Variants in ZNF880 observed in about 807,000 individuals in gnomAD.
The protein encoded by ZNF880 is zinc finger protein LOC400713.
A neutral mutation model predicts 11.8 loss-of-function variants in ZNF880; 12 were observed. That is an observed-to-expected ratio of 1.02 (90% CI 0.65 to 1.65). ZNF880 has a LOEUF of 1.65. ZNF880 is among the 40% of genes most tolerant of loss of function. The pLI, the probability that ZNF880 is intolerant of heterozygous loss-of-function variation, is 0.00. For synonymous variants in ZNF880, 210 were observed against 232.4 expected (o/e 0.90, Z 0.88); for missense variants, 601 against 673.9 (o/e 0.89, Z 1.20).
chr19:52,369,362 C>CAAAAAAA (rs57601492), upstream of ZNF880, among the ~76,000 whole-genome samples: 1 of 112,486 alleles, frequency 8.9e-6, no homozygotes, highest in Non-Finnish European at 1.8e-5. Context: ...ACTCTGTCTC[C>CAAAAAAA]AAAAAAAAAA....
At position 52,383,921 on chromosome 19, in the gene ZNF880, T is replaced by G. The variant is rs567335804; in HGVS notation, c.341T>G (p.Leu114Ter). The change falls in exon 4 of 4, where the codon TTA (leucine) becomes TGA (stop). Residue 114 changes from leucine (L) to a stop codon, truncating the protein, a stop_gained. Coordinates refer to ENST00000422689, the MANE Select transcript of ZNF880 (RefSeq NM_001145434.2). LOFTEE classifies it low-confidence loss of function (END_TRUNC). ...AATCAACTTGGATTAACCTTTCAGT[T>G]ACATCTGAGTGAACTGCAGCTATTT... ...LKNQLGLTFQ[L>*]HLSELQLFQA... 8.3e-6 allele frequency: 13 copies of G among 1,561,472 alleles called. No homozygotes were observed. The African/African-American group carries it at 1.6e-4, about 20-fold the overall frequency.
rs151013878 is a variant in ZNF880 at position 52,381,175 on chromosome 19, C to T, written c.269-2674C>T. On this transcript the variant is annotated intron_variant, in intron 3 of 3. Coordinates refer to ENST00000422689, the MANE Select transcript of ZNF880 (RefSeq NM_001145434.2). ...GTGTTGCCCAGGCTTATCTCAAACT[C>T]TTAGGCTCTAGTAATCCTCCTGCCT... Among the ~76,000 whole-genome samples the T allele has an allele frequency of 1.2e-4, 19 of 152,200 alleles. No individual in the cohort carries two copies. The East Asian group carries it at 3.7e-3, about 29-fold the overall frequency.
chr19:52,370,719 A>G (rs1471503774), intron 1 of ZNF880: 2 of 152,234 alleles, frequency 1.3e-5, no homozygotes, highest in African/African-American at 4.8e-5. Flanking sequence ...GTTTGAAATA[A>G]TGTTTATAAA....
At chr19:52,385,820 C>A (rs1328439179), downstream of ZNF880, 1 of 148,326 alleles carries the variant, frequency 6.7e-6, no homozygotes, top group East Asian at 2.0e-4. Context: ...TTATGACTTT[C>A]ATCCTCAACT....
At chr19:52,386,353 C>T (rs1986888281), downstream of ZNF880, among the ~76,000 whole-genome samples, 1 of 142,918 alleles carries the variant, frequency 7.0e-6, no homozygotes, top group Non-Finnish European at 1.5e-5. Flanking sequence ...AGTCATCATA[C>T]TGTTGCTGAG....
chr19:52,385,385 G>A lies in ZNF880; in HGVS notation c.*71G>A, dbSNP rs1367403169. The A allele has an allele frequency of 2.7e-6, 4 of 1,483,270 alleles. No individual in the cohort carries two copies. Among genetic ancestry groups the A allele is most frequent in the Non-Finnish European group, 3.6e-6 (4 of 1,101,658 alleles). 91.9% of individuals were successfully genotyped at this position (1,483,270 alleles called of 1,614,324 possible). A position where few individuals can be genotyped will look rare whatever the true frequency, so the allele number is the denominator to read the frequency against. On this transcript the variant is annotated 3_prime_UTR_variant, in exon 4 of 4. Coordinates refer to ENST00000422689, the MANE Select transcript of ZNF880 (RefSeq NM_001145434.2). The stretch of plus-strand genomic sequence containing the variant: ...CATGAGATAATTCATTCATGAGAGA[G>A]TTCTTACAAACTGAGTATGGCAAAC...
At chr19:52,390,127 A>G (rs1415092666), downstream of ZNF880, 1 of 165,264 alleles carries the variant, frequency 6.1e-6, no homozygotes, top group African/African-American at 2.4e-5. Flanking sequence ...ACACAGTTCC[A>G]TGGGGTCGTG....
downstream of ZNF880, among the ~76,000 whole-genome samples, chr19:52,388,129 C>A (rs535367538): frequency 9.3e-6 from 1 of 106,964 alleles, no homozygotes. Flanking sequence ...CCACCCGCCT[C>A]GGACTCCCAA....
At chr19:52,392,484 A>G in the ZNF880 span, among the ~76,000 whole-genome samples, 2 of 152,178 alleles carry the variant, frequency 1.3e-5, no homozygotes, top group African/African-American at 4.8e-5. Context: ...TATTTTTAGT[A>G]GAGACAGCAT....
At chr19:52,376,493 ACCGCCCCCC>A (rs756603164) in intron 3 of ZNF880, among the ~76,000 whole-genome samples, 1,988 of 104,438 alleles carry the variant, frequency 0.019, 33 homozygotes, top group Middle Eastern at 0.029. Flanking sequence ...TGTCCTTAGC[ACCGCCCCCC>A]CCCCCCCTTT....
In ZNF880 at chr19:52,385,604, A is replaced by G. The variant is rs983059869; in HGVS notation, c.*290A>G. Reference sequence around the variant, plus strand: ...TCAAGGACCATTACTATGGAACATGATAAGATTTACACAAGCGATAATTCA... The same window carrying G: ...TCAAGGACCATTACTATGGAACATGGTAAGATTTACACAAGCGATAATTCA... On this transcript the variant is annotated 3_prime_UTR_variant, in exon 4 of 4. Transcript: ENST00000422689. 5.5e-5 allele frequency: 15 copies of G among 271,124 alleles called. 1 individual carries two copies. The highest frequency in any genetic ancestry group is 8.5e-5 in the Non-Finnish European group (13 of 153,204). The allele number at this position is 271,124 out of a possible 1,614,324, so 16.8% of individuals were successfully genotyped here.
intron 3 of ZNF880, chr19:52,374,728 A>C (rs977244871): frequency 3.4e-6 from 2 of 592,072 alleles, no homozygotes; most frequent in African/African-American, 3.7e-5. Flanking sequence ...GTTCTGATTG[A>C]AGTTTGTTTT....
chr19:52,385,224 C>T lies in ZNF880; in HGVS notation c.1644C>T (p.Tyr548=). 2 of 1,551,968 alleles carry T rather than the reference C, an allele frequency of 1.3e-6. No homozygotes were observed. Among genetic ancestry groups the T allele is most frequent in the Non-Finnish European group, 1.7e-6 (2 of 1,147,202 alleles). The change falls in exon 4 of 4, where the codon TAC becomes TAT. Residue 548 remains tyrosine, a synonymous_variant. Coordinates refer to ENST00000422689, the MANE Select transcript of ZNF880 (RefSeq NM_001145434.2). ...HERIHTGEKP[Y]RCHECGKDFT... ...GAATTCATACTGGGGAGAAACCGTA[C>T]AGATGTCATGAATGTGGTAAGGACT...
chr19:52,383,812 C>T, intron 3 of ZNF880, 37 bp from the exon 4 acceptor site: 4 of 1,491,396 alleles, frequency 2.7e-6, no homozygotes, highest in Non-Finnish European at 3.6e-6. Context: ...ATGCCATTGT[C>T]ATGGGTTGAA....
At chr19:52,371,468 C>T (rs1454142190) in intron 1 of ZNF880, among the ~76,000 whole-genome samples, 2 of 152,130 alleles carry the variant, frequency 1.3e-5, no homozygotes, top group South Asian at 2.1e-4. Context: ...CTCTGCCTCC[C>T]GGGTTCAAGT....
In ZNF880 at chr19:52,384,146, A is replaced by G. The variant is rs1986783074; in HGVS notation, c.566A>G (p.His189Arg). ...IREKPCECNE[H>R]GKAFRVSSRL... The stretch of plus-strand genomic sequence containing the variant: ...GAAAAACCGTGTGAATGTAATGAGC[A>G]TGGCAAAGCCTTTAGAGTGTCTTCA... Residue 189 changes from histidine to arginine, a missense_variant, in exon 4 of 4, where the codon CAT (histidine) becomes CGT (arginine). His to Arg is a conservative substitution (Grantham distance 29, BLOSUM62 0). Coordinates refer to ENST00000422689, the MANE Select transcript of ZNF880 (RefSeq NM_001145434.2). 1 of 1,606,146 alleles carries G rather than the reference A, an allele frequency of 6.2e-7. No individual in the cohort carries two copies. Among genetic ancestry groups the G allele is most frequent in the African/African-American group, 1.3e-5 (1 of 74,786 alleles).
At chr19:52,379,071 C>G (rs1380294724) in intron 3 of ZNF880, among the ~76,000 whole-genome samples, 1 of 150,468 alleles carries the variant, frequency 6.6e-6, no homozygotes, top group Non-Finnish European at 1.5e-5. Flanking sequence ...GATACCCTGT[C>G]TCAGAAAAAA....
downstream of ZNF880, chr19:52,389,703 T>C (rs2058700636): frequency 6.6e-6 from 1 of 152,264 alleles, no homozygotes; most frequent in South Asian, 2.1e-4. Context: ...ACTAGGCGAG[T>C]AGTGAGTAGT....
At chr19:52,396,347 A>T in the ZNF880 span, 5 of 152,174 alleles carry the variant, frequency 3.3e-5, no homozygotes, top group Non-Finnish European at 2.9e-5. Context: ...GGCTGGTCTC[A>T]GGAGATTGAA....
Sources: allele counts gnomAD v4.1 joint callset (sites outside exome capture counted in the v4.1 genomes callset), GRCh38; gene constraint gnomAD v4.1.1; transcripts MANE v1.5; gene names NCBI Gene and HGNC (gene_info 2026-07-23, HGNC 2026-07-21).